Variants in UNC79 observed in about 807,000 individuals in gnomAD.
UNC79 encodes the protein protein unc-79 homolog.
UNC79 carries 37 observed loss-of-function variants against 283.1 expected under a neutral mutation model. The ratio of observed to expected loss-of-function variants is 0.13; its 90% CI spans 0.10 to 0.17. The LOEUF (loss-of-function observed/expected upper bound fraction) is 0.17, where lower values mean the gene tolerates loss of function less well. Among genes scored for constraint, UNC79 ranks in the 10% least tolerant of loss-of-function variants. The pLI is 1.00. For synonymous variants in UNC79, 1,107 were observed against 1,200.2 expected, an observed-to-expected ratio of 0.92 and a Z score of 1.61; for missense variants, 2,272 against 3,211.1, an observed-to-expected ratio of 0.71 and a Z score of 7.07.
intron 22 of UNC79, among the ~76,000 whole-genome samples, chr14:93,589,843 A>G (rs1197811874): frequency 1.3e-5 from 2 of 152,130 alleles, no homozygotes; most frequent in Non-Finnish European, 1.5e-5. Context: ...TGGGAGGATC[A>G]CTTAAGGCCA....
chr14:93,403,999 C>G (rs565136367), intron 1 of UNC79, among the ~76,000 whole-genome samples: 3 of 151,396 alleles, frequency 2.0e-5, no homozygotes, highest in Admixed American at 6.6e-5. Context: ...AGCTGTATAA[C>G]TTTTTGGAAA....
chr14:93,560,812 G>T (rs939474804), intron 14 of UNC79, among the ~76,000 whole-genome samples: 3 of 152,130 alleles, frequency 2.0e-5, no homozygotes, highest in Admixed American at 6.5e-5. Flanking sequence ...GCTGAAAGGG[G>T]TGTCTTGTAC....
chr14:93,524,716 C>A lies in UNC79; in HGVS notation c.963+674C>A, dbSNP rs183070862. ...TTGAATGTGAAGAAAAATAATCACA[C>A]CTTTTAAGAAAATTATTTATGATAT... is the stretch of plus-strand genomic sequence containing the variant. On this transcript the variant is annotated intron_variant, in intron 8 of 48. Transcript: ENST00000555664. 1.9e-3 allele frequency among the ~76,000 whole-genome samples: 291 copies of A among 152,222 alleles called. 2 individuals carry two copies. Among genetic ancestry groups the A allele is most frequent in the African/African-American group, 6.6e-3 (276 of 41,534 alleles).
chr14:93,358,827 G>A (rs1187424377), intron 1 of UNC79, among the ~76,000 whole-genome samples: 4 of 152,254 alleles, frequency 2.6e-5, no homozygotes, highest in African/African-American at 9.6e-5. Context: ...TGCCAGGCAA[G>A]ATAATGTTGA....
At chr14:93,661,482 G>T (rs2071598327) in intron 39 of UNC79, among the ~76,000 whole-genome samples, 3 of 152,276 alleles carry the variant, frequency 2.0e-5, no homozygotes, top group Non-Finnish European at 2.9e-5. Context: ...AGAAGTATTG[G>T]AACTCATGGC....
At chr14:93,434,801 C>A (rs1044738616) in intron 1 of UNC79, among the ~76,000 whole-genome samples, 23 of 152,164 alleles carry the variant, frequency 1.5e-4, no homozygotes, top group Admixed American at 4.6e-4. Flanking sequence ...AGAATCCTGG[C>A]ACATAATGAG....
At chr14:93,565,576 C>G (rs1475980342) in intron 14 of UNC79, among the ~76,000 whole-genome samples, 3 of 152,106 alleles carry the variant, frequency 2.0e-5, no homozygotes, top group Non-Finnish European at 4.4e-5. Flanking sequence ...AAATGGACCA[C>G]CATATATGTT....
At chr14:93,657,728 T>C (rs1326365643) in intron 38 of UNC79, among the ~76,000 whole-genome samples, 1 of 152,130 alleles carries the variant, frequency 6.6e-6, no homozygotes, top group East Asian at 1.9e-4. Flanking sequence ...GAGTGGCAAG[T>C]GTTGCCAGCT....
At chr14:93,467,387 CA>C (rs1301792977) in intron 1 of UNC79, among the ~76,000 whole-genome samples, 2 of 151,900 alleles carry the variant, frequency 1.3e-5, no homozygotes, top group African/African-American at 4.8e-5. Flanking sequence ...GTGATAAAAA[CA>C]AGCAATAGAT....
At chr14:93,593,897 C>A in intron 23 of UNC79, 60 bp downstream of exon 23, 1 of 1,467,564 alleles carries the variant, frequency 6.8e-7, no homozygotes, top group Non-Finnish European at 9.0e-7. Flanking sequence ...TGTCTGGTCA[C>A]GGCATCTTTT....
At chr14:93,613,706 G>A (rs2066479539) in intron 27 of UNC79, among the ~76,000 whole-genome samples, 2 of 152,110 alleles carry the variant, frequency 1.3e-5, no homozygotes, top group Admixed American at 6.5e-5. Flanking sequence ...GAGCCACTGC[G>A]CCCGGCCAGT....
At chr14:93,648,881 AT>A (rs1176972640) in intron 35 of UNC79, among the ~76,000 whole-genome samples, 2 of 152,216 alleles carry the variant, frequency 1.3e-5, no homozygotes, top group Admixed American at 6.5e-5. Flanking sequence ...TGTATGACTT[AT>A]AAACCACATT....
chr14:93,412,563 A>G lies in UNC79; in HGVS notation c.-350-55108A>G, dbSNP rs572988623. ...AGAGAAAATAAAGAAATAACATAAA[A>G]TGGAGACCTCCAATACTGACTGTTG... On this transcript the variant is annotated intron_variant, in intron 1 of 49. Transcript: ENST00000256339. Among the ~76,000 whole-genome samples, 363 of 152,136 alleles carry G rather than the reference A, an allele frequency of 2.4e-3. 4 individuals are homozygous for G. Among genetic ancestry groups the G allele is most frequent in the African/African-American group, 8.4e-3 (349 of 41,536 alleles).
intron 1 of UNC79, among the ~76,000 whole-genome samples, chr14:93,415,816 TTGTA>T (rs1285865216): frequency 4.1e-5 from 6 of 147,888 alleles, no homozygotes; most frequent in Admixed American, 6.8e-5. Flanking sequence ...ATAGAGGTGT[TTGTA>T]GTATTCTCTG....
At chr14:93,386,638 A>G (rs964462102) in intron 1 of UNC79, among the ~76,000 whole-genome samples, 3 of 152,154 alleles carry the variant, frequency 2.0e-5, no homozygotes, top group African/African-American at 7.2e-5. Context: ...CTTCATTCTC[A>G]TAACTTATTA....
At chr14:93,704,582 A>G (rs750845934) in intron 47 of UNC79, 43 bp from the exon 51 acceptor site, 36 of 1,608,274 alleles carry the variant, frequency 2.2e-5, no homozygotes, top group Non-Finnish European at 2.8e-5. Flanking sequence ...TTGTGGGAGA[A>G]TAGAGGACAC....
chr14:93,634,762 C>A, intron 31 of UNC79, 125 bp downstream of exon 34: 1 of 869,326 alleles, frequency 1.2e-6, no homozygotes. Context: ...GGTAATTTTT[C>A]AAAACCACCT....
intron 1 of UNC79, among the ~76,000 whole-genome samples, chr14:93,424,981 A>G (rs1236846465): frequency 6.6e-6 from 1 of 152,220 alleles, no homozygotes; most frequent in Non-Finnish European, 1.5e-5. Flanking sequence ...ATAAATATAT[A>G]CACTTACTAT....
In UNC79 at chr14:93,408,224, AAAG is replaced by A. The variant is rs534962037; in HGVS notation, c.-350-59441_-350-59439del. The stretch of plus-strand genomic sequence containing the variant: ...GGCTCTAATAGAGAAAGTGGACAGC[AAAG>A]AAGAACACACGAGTAATATAAGTAG... On this transcript the variant is annotated intron_variant, in intron 1 of 49. Transcript: ENST00000256339. Among the ~76,000 whole-genome samples, 266 of 152,358 alleles carry A rather than the reference AAAG, an allele frequency of 1.7e-3. 1 individual carries two copies. The highest frequency in any genetic ancestry group is 6.0e-3 in the African/African-American group (248 of 41,586).
Sources: gnomAD v4.1 joint callset for allele counts (sites outside exome capture counted in the v4.1 genomes callset) on GRCh38, gnomAD v4.1.1 for gene constraint, MANE v1.5 for transcripts, NCBI Gene and HGNC (gene_info 2026-07-23, HGNC 2026-07-21) for gene names.